The following CFHR2 variants were observed in gnomAD, a reference collection of about 807,000 sequenced individuals.
CFHR2 encodes complement factor H related 2.
A neutral mutation model predicts 21.7 loss-of-function variants in CFHR2; 22 were observed. The observed-to-expected ratio is 1.01, with a 90% confidence interval of 0.72 to 1.45. The LOEUF (loss-of-function observed/expected upper bound fraction) is 1.45, where lower values mean the gene tolerates loss of function less well. CFHR2 is among the 40% of genes most tolerant of loss of function. The pLI is 0.00. For synonymous variants in CFHR2, 98 were observed against 97.4 expected (o/e 1.01, Z -0.04); for missense variants, 294 against 293.3 (o/e 1.00, Z -0.02).
At chr1:196,957,813 A>G in intron 3 of CFHR2, 78 bp from the exon 4 acceptor site, 1 of 1,284,560 alleles carries the variant, frequency 7.8e-7, no homozygotes, top group Non-Finnish European at 1.1e-6. Flanking sequence ...TAGACTATAA[A>G]GTGCCTTGTT....
At position 196,959,093 on chromosome 1, in the gene CFHR2, T is replaced by G; in HGVS notation, c.*13T>G. 2.6e-6 allele frequency: 4 copies of G among 1,530,520 alleles called. No homozygotes were observed. The highest frequency in any genetic ancestry group is 1.4e-5 in the African/African-American group (1 of 72,724). 94.8% of individuals were successfully genotyped at this position (1,530,520 alleles called of 1,614,324 possible). A position where few individuals can be genotyped will look rare whatever the true frequency, so the allele number is the denominator to read the frequency against. On this transcript the variant is annotated 3_prime_UTR_variant, in exon 5 of 5. Transcript: ENST00000367415. ...TGAAGAAAAATAGAATCAATGGCAT[T>G]ACTATTAGTAAAATGCACACCTTTT...
At chr1:196,945,523 A>G (rs1435386116) in intron 1 of CFHR2, among the ~76,000 whole-genome samples, 70 of 98,386 alleles carry the variant, frequency 7.1e-4, no homozygotes, top group East Asian at 1.1e-3. Context: ...TTACACTGTC[A>G]TTTAGGTGTC....
chr1:196,946,355 T>A (rs1414183713), intron 1 of CFHR2, among the ~76,000 whole-genome samples: 3 of 152,214 alleles, frequency 2.0e-5, no homozygotes, highest in Non-Finnish European at 4.4e-5. Context: ...GCACCCAGGA[T>A]AGACTAAATT....
At position 196,958,937 on chromosome 1, in the gene CFHR2, A is replaced by G. The variant is rs557257844; in HGVS notation, c.670A>G (p.Thr224Ala). The change falls in exon 5 of 5, where the codon ACA becomes GCA. Residue 224 changes from threonine (T) to alanine (A), a missense_variant. By Grantham distance (58) the Thr-to-Ala change is moderately conservative (BLOSUM62 0). Transcript: ENST00000367415. Reference protein sequence around the residue: ...MEKYNIKLKWTNQQKLYSRTG... With the variant: ...MEKYNIKLKWANQQKLYSRTG... ...AAAATATAACATAAAATTAAAGTGG[A>G]CAAACCAACAAAAGCTTTATTCAAG... 2 of 1,604,040 alleles carry G rather than the reference A, an allele frequency of 1.2e-6. No individual in the cohort carries two copies. Among genetic ancestry groups the G allele is most frequent in the South Asian group, 1.1e-5 (1 of 90,600 alleles).
At position 196,949,536 on chromosome 1, in the gene CFHR2, C is replaced by A. The variant is rs777460690; in HGVS notation, c.140C>A (p.Thr47Lys). The change falls in exon 2 of 5, where the codon ACA (threonine) becomes AAA (lysine). Residue 47 changes from threonine to lysine, a missense_variant. Transcript: ENST00000367415. ...EKYKPFSQVP[T>K]GEVFYYSCEY... The stretch of plus-strand genomic sequence containing the variant: ...TATAAGCCATTTTCCCAAGTTCCTA[C>A]AGGGGAAGTTTTCTATTACTCCTGT... 1 of 1,613,998 alleles carries A rather than the reference C, an allele frequency of 6.2e-7. No homozygotes were observed. Among genetic ancestry groups the A allele is most frequent in the Non-Finnish European group, 8.5e-7 (1 of 1,179,942 alleles).
intron 1 of CFHR2, among the ~76,000 whole-genome samples, chr1:196,945,146 G>A (rs1443529491): frequency 1.4e-5 from 2 of 144,824 alleles, no homozygotes; most frequent in African/African-American, 2.6e-5. Context: ...ACAGTGTTGG[G>A]ATTGCAGGCA....
intron 2 of CFHR2, among the ~76,000 whole-genome samples, chr1:196,950,100 C>T (rs1050454116): frequency 1.1e-4 from 16 of 152,112 alleles, no homozygotes; most frequent in African/African-American, 3.4e-4. Context: ...TATTAACCCT[C>T]CAATAAATGT....
At chr1:196,954,909 G>T (rs1652808905) in intron 3 of CFHR2, among the ~76,000 whole-genome samples, 1 of 152,210 alleles carries the variant, frequency 6.6e-6, no homozygotes, top group African/African-American at 2.4e-5. Flanking sequence ...CTAGGCCTTT[G>T]GGCCTGTGAT....
intron 4 of CFHR2, 107 bp downstream of exon 4, chr1:196,958,180 T>A: frequency 8.1e-6 from 9 of 1,113,354 alleles, no homozygotes; most frequent in South Asian, 1.6e-5. Context: ...AGCATTCTGC[T>A]GAATGCTTGC....
intron 3 of CFHR2, among the ~76,000 whole-genome samples, chr1:196,955,043 A>T (rs1303152108): frequency 6.6e-6 from 1 of 152,248 alleles, no homozygotes; most frequent in African/African-American, 2.4e-5. Context: ...ACTCCCCAGA[A>T]TATGAGTTTT....
At chr1:196,945,003 A>G (rs566468904) in intron 1 of CFHR2, among the ~76,000 whole-genome samples, 64 of 148,390 alleles carry the variant, frequency 4.3e-4, no homozygotes, top group African/African-American at 1.4e-3. Flanking sequence ...CAGCCTCCCA[A>G]GTGGCTAGGA....
chr1:196,958,652 A>C (rs564302454), intron 4 of CFHR2, among the ~76,000 whole-genome samples: 1 of 152,168 alleles, frequency 6.6e-6, no homozygotes, highest in African/African-American at 2.4e-5. Flanking sequence ...GATGTTATGA[A>C]TCTTCAGTGA....
intron 1 of CFHR2, among the ~76,000 whole-genome samples, chr1:196,945,058 T>G (rs1197493995): frequency 6.9e-6 from 1 of 145,712 alleles, no homozygotes; most frequent in Non-Finnish European, 1.5e-5. Flanking sequence ...GTATTTTTAG[T>G]AGAGATGGGG....
At chr1:196,949,380 A>G (rs377106768) in intron 1 of CFHR2, 75 bp from the exon 2 acceptor site, 1 of 1,391,880 alleles carries the variant, frequency 7.2e-7, no homozygotes. Flanking sequence ...ACTAAATGAG[A>G]TGATTAAAAT....
In CFHR2 at chr1:196,951,023, C is replaced by T. The variant is rs773697180; in HGVS notation, c.425C>T (p.Ser142Phe). ...TGGTCCACTCCTCCCAAATGCAGGT[C>T]CACTAGTAAGTGCAATGTTGTTCTC... is the stretch of plus-strand genomic sequence containing the variant. Reference protein sequence around the residue: ...RGWSTPPKCRSTISAEKCGPP... With the variant: ...RGWSTPPKCRFTISAEKCGPP... The change falls in exon 3 of 5, where the codon TCC (serine) becomes TTC (phenylalanine). Residue 142 changes from serine (S) to phenylalanine (F), a missense_variant. Physicochemically the swap from Ser to Phe is radical, Grantham distance 155. Coordinates refer to ENST00000367415, the MANE Select transcript of CFHR2 (RefSeq NM_005666.4). 13 of 1,613,968 alleles carry T rather than the reference C, an allele frequency of 8.1e-6. No homozygotes were observed. The East Asian group carries it at 8.9e-5, about 11-fold the overall frequency.
rs867155175 is a variant in CFHR2, at chr1:196,951,061, A to G, written c.430+33A>G. 9.0e-5 allele frequency: 145 copies of G among 1,611,374 alleles called. 4 individuals are homozygous for G. The Middle Eastern group carries it at 9.2e-3, about 103-fold the overall frequency. ...CAATGTTGTTCTCTCAGATGCTGTTATATTATAAAGTGTAAAAGAAATAAA... is the reference window on the plus strand; with the variant it reads ...CAATGTTGTTCTCTCAGATGCTGTTGTATTATAAAGTGTAAAAGAAATAAA... On this transcript the variant is annotated intron_variant, in intron 3 of 4. Coordinates refer to ENST00000367415, the MANE Select transcript of CFHR2 (RefSeq NM_005666.4).
chr1:196,959,058 A>G lies in CFHR2; in HGVS notation c.791A>G (p.Tyr264Cys), dbSNP rs41310132. The change falls in exon 5 of 5, where the codon TAT becomes TGT. Residue 264 changes from tyrosine to cysteine, a missense_variant. Physicochemically the swap from Tyr to Cys is radical, Grantham distance 194 (BLOSUM62 -2). Coordinates refer to ENST00000367415, the MANE Select transcript of CFHR2 (RefSeq NM_005666.4). ...RAMCQNGKLVYPSCEEK is the reference protein window; with the variant it reads ...RAMCQNGKLVCPSCEEK ...ATGTGTCAGAATGGGAAACTGGTAT[A>G]TCCCAGTTGTGAAGAAAAATAGAAT... is the stretch of plus-strand genomic sequence containing the variant. 25,213 of 1,606,470 alleles carry G rather than the reference A, an allele frequency of 0.016. 296 individuals are homozygous for G. Among genetic ancestry groups the G allele is most frequent in the South Asian group, 0.033 (2,976 of 89,254 alleles).
In CFHR2 at chr1:196,949,637, C is replaced by T. The variant is rs778532035; in HGVS notation, c.241C>T (p.Pro81Ser). ...TCAEEGWSPT[P>S]KCLRLCFFPF... ...CGCAGAAGAAGGATGGTCACCAACA[C>T]CAAAGTGTCTCAGTGAGTAAATGCC... Residue 81 changes from proline (P) to serine (S), a missense_variant, in exon 2 of 5, where the codon CCA (proline) becomes TCA (serine). Transcript: ENST00000367415. 6.8e-6 allele frequency: 11 copies of T among 1,613,804 alleles called. No homozygotes were observed. The highest frequency in any genetic ancestry group is 1.7e-4 in the Middle Eastern group (1 of 6,050).
At chr1:196,951,170 T>C (rs942466266) in intron 3 of CFHR2, 142 bp downstream of exon 3, 16 of 1,009,920 alleles carry the variant, frequency 1.6e-5, no homozygotes, top group Non-Finnish European at 2.3e-5. Flanking sequence ...CAGTTCCAAT[T>C]GTGTCTAAGT....
Sources: allele counts gnomAD v4.1 joint callset (sites outside exome capture counted in the v4.1 genomes callset), GRCh38; gene constraint gnomAD v4.1.1; transcripts MANE v1.5; gene names NCBI Gene and HGNC (gene_info 2026-07-23, HGNC 2026-07-21).